SDK1: variants seen among roughly 807,000 people sequenced by gnomAD.
SDK1 encodes protein sidekick-1.
A neutral mutation model predicts 245.5 loss-of-function variants in SDK1; 157 were observed. That is an observed-to-expected ratio of 0.64 (90% CI 0.56 to 0.73). SDK1 has a LOEUF of 0.73. Among genes scored for constraint, SDK1 ranks in the 30% least tolerant of loss-of-function variants. SDK1 has a pLI of 0.00. For missense variants in SDK1, 3,583 were observed against 3,002.3 expected (o/e 1.19, Z -4.52); for synonymous variants, 1,647 against 1,278.5 (o/e 1.29, Z -6.15).
At chr7:4,002,970 G>C (rs1268472894) in intron 14 of SDK1, among the ~76,000 whole-genome samples, 3 of 152,242 alleles carry the variant, frequency 2.0e-5, no homozygotes, top group African/African-American at 7.2e-5. Flanking sequence ...GCTGTTTGCA[G>C]CTCATGGAGC....
chr7:4,151,102 C>G (rs1379101962), intron 30 of SDK1, among the ~76,000 whole-genome samples: 2 of 152,212 alleles, frequency 1.3e-5, no homozygotes, highest in Non-Finnish European at 2.9e-5. Context: ...ACAGTGTCCC[C>G]AGGAGGCACA....
At chr7:4,064,468 A>G (rs1005612086) in intron 19 of SDK1, among the ~76,000 whole-genome samples, 9 of 152,346 alleles carry the variant, frequency 5.9e-5, no homozygotes, top group African/African-American at 2.2e-4. Context: ...ACTGTTGGTG[A>G]TGATGTAAAT....
Position 4,241,911 on chromosome 7 carries a change from C to A in SDK1, c.6249C>A (p.Thr2083=). 1.2e-6 allele frequency: 2 copies of A among 1,612,890 alleles called. No homozygotes were observed. The change falls in exon 43 of 45, where the codon ACC becomes ACA. Residue 2083 remains threonine, a splice_region_variant and synonymous_variant. Transcript: ENST00000404826. ...GCACCTTCTCCAAGAAGAACGGGAC[C>A]AGGTAGGCAGGCAGTGCTGTGCTGC... The part of the protein sequence containing the change: ...VKSTFSKKNG[T]RSPPRPSPGG...
Position 3,969,248 on chromosome 7 carries a change from G to T in SDK1, c.1547-9G>T, listed in dbSNP as rs764293012. 1 of 1,586,690 alleles carries T rather than the reference G, an allele frequency of 6.3e-7. No individual in the cohort carries two copies. On this transcript the variant is annotated splice_polypyrimidine_tract_variant and intron_variant, in intron 10 of 44. Transcript: ENST00000404826. ...CTGTAACATGCCTCTTTTCTCCACT[G>T]TTCTTTAGAAAACCACATTCTGGCC...
intron 5 of SDK1, among the ~76,000 whole-genome samples, chr7:3,938,360 C>T (rs1220644553): frequency 6.6e-6 from 1 of 152,064 alleles, no homozygotes; most frequent in Admixed American, 6.6e-5. Flanking sequence ...ATTAGATCCT[C>T]AGCCTGGCAC....
chr7:3,513,079 T>G (rs1279542196), intron 1 of SDK1, among the ~76,000 whole-genome samples: 12 of 152,208 alleles, frequency 7.9e-5, no homozygotes, highest in Non-Finnish European at 2.9e-5. Flanking sequence ...TGAGGGTCTT[T>G]AAACATATTA....
chr7:3,913,144 CCCTGCCATGAAGCCT>C (rs1779237844), intron 5 of SDK1, among the ~76,000 whole-genome samples: 1 of 152,156 alleles, frequency 6.6e-6, no homozygotes, highest in African/African-American at 2.4e-5. Context: ...GTACCGGGGG[CCCTGCCATGAAGCCT>C]TCAGGGCATC....
intron 4 of SDK1, among the ~76,000 whole-genome samples, chr7:3,698,236 C>G (rs537049474): frequency 1.3e-5 from 2 of 152,294 alleles, no homozygotes; most frequent in South Asian, 4.1e-4. Context: ...AACCCCCAAG[C>G]AAAGGCTGAG....
In SDK1 at chr7:4,219,527, C is replaced by T. The variant is rs573975663; in HGVS notation, c.5540-582C>T. Among the ~76,000 whole-genome samples, 233 of 152,264 alleles carry T rather than the reference C, an allele frequency of 1.5e-3. 1 individual carries two copies. Among genetic ancestry groups the T allele is most frequent in the Middle Eastern group, 0.01 (3 of 294 alleles). ...TATAAAACCATCAGATCTCATGAGA[C>T]GTATTCACTACCACGAGAACAGAAT... is the stretch of plus-strand genomic sequence containing the variant. On this transcript the variant is annotated intron_variant, in intron 38 of 44. Transcript: ENST00000404826.
chr7:3,636,128 C>T (rs897037620), intron 2 of SDK1, among the ~76,000 whole-genome samples: 4 of 152,122 alleles, frequency 2.6e-5, no homozygotes, highest in Non-Finnish European at 4.4e-5. Context: ...GATAATTATA[C>T]GCCCATGAAA....
chr7:3,818,368 A>T (rs947139053), intron 4 of SDK1, among the ~76,000 whole-genome samples: 13 of 152,230 alleles, frequency 8.5e-5, no homozygotes, highest in Admixed American at 6.5e-4. Context: ...ATTACTCAGC[A>T]TGCCCCTGTG....
chr7:4,074,910 A>ATT (rs1456680391), intron 20 of SDK1, among the ~76,000 whole-genome samples: 2 of 77,226 alleles, frequency 2.6e-5, no homozygotes, highest in African/African-American at 1.8e-4. Context: ...ATATATATAT[A>ATT]TATATATTTT....
chr7:3,814,578 A>T (rs1583442079), intron 4 of SDK1, among the ~76,000 whole-genome samples: 1 of 151,770 alleles, frequency 6.6e-6, no homozygotes, highest in Admixed American at 6.6e-5. Context: ...TTGGCTTAGG[A>T]TTGACTTGGT....
chr7:4,138,258 G>A (rs551620576), intron 28 of SDK1, among the ~76,000 whole-genome samples: 5 of 152,234 alleles, frequency 3.3e-5, no homozygotes, highest in Non-Finnish European at 5.9e-5. Context: ...AGGGGAGGGC[G>A]ACCCCACTGC....
At chr7:3,488,903 C>T (rs942454459) in intron 1 of SDK1, among the ~76,000 whole-genome samples, 1 of 134,646 alleles carries the variant, frequency 7.4e-6, no homozygotes, top group Non-Finnish European at 1.6e-5. Flanking sequence ...ATTCCTCCCT[C>T]CGTGTGTGTG....
At chr7:3,593,164 A>G (rs542691938) in intron 1 of SDK1, among the ~76,000 whole-genome samples, 1 of 152,366 alleles carries the variant, frequency 6.6e-6, no homozygotes, top group South Asian at 2.1e-4. Context: ...CTTACTCATC[A>G]TCAAGTTAAT....
intron 5 of SDK1, among the ~76,000 whole-genome samples, chr7:3,868,625 A>G (rs757781561): frequency 2.6e-5 from 4 of 152,202 alleles, no homozygotes; most frequent in Non-Finnish European, 4.4e-5. Flanking sequence ...ACAATAATGT[A>G]TTACTATTTT....
intron 4 of SDK1, among the ~76,000 whole-genome samples, chr7:3,780,838 C>T (rs1318808187): frequency 1.3e-5 from 2 of 152,162 alleles, no homozygotes; most frequent in East Asian, 3.9e-4. Flanking sequence ...AAAAGCCTGC[C>T]CAATGACCCC....
intron 1 of SDK1, among the ~76,000 whole-genome samples, chr7:3,309,641 T>A (rs1364494804): frequency 1.3e-5 from 2 of 151,916 alleles, no homozygotes; most frequent in African/African-American, 2.4e-5. Flanking sequence ...TGATTTTTTT[T>A]ATTCAGCATT....
Sources: gnomAD v4.1 joint callset for allele counts (sites outside exome capture counted in the v4.1 genomes callset) on GRCh38, gnomAD v4.1.1 for gene constraint, MANE v1.5 for transcripts, NCBI Gene and HGNC (gene_info 2026-07-23, HGNC 2026-07-21) for gene names.